The following KIT variants were observed in gnomAD, a reference collection of about 807,000 sequenced individuals.
The protein encoded by KIT is mast/stem cell growth factor receptor Kit.
A neutral mutation model predicts 105.7 loss-of-function variants in KIT; 16 were observed. The ratio of observed to expected loss-of-function variants is 0.15; its 90% confidence interval spans 0.10 to 0.23. The LOEUF (loss-of-function observed/expected upper bound fraction) is 0.23. Among genes scored for constraint, KIT ranks in the 10% least tolerant of loss-of-function variants. KIT has a pLI of 1.00. For missense variants in KIT, 858 were observed against 1,213.8 expected (o/e 0.71, Z 4.36); for synonymous variants, 438 against 441.1 (o/e 0.99, Z 0.09).
intron 17 of KIT, among the ~76,000 whole-genome samples, chr4:54,736,026 A>G (rs995332330): frequency 6.6e-6 from 1 of 152,212 alleles, no homozygotes; most frequent in African/African-American, 2.4e-5. Context: ...GGTTTTCCTG[A>G]AGCTGCTATA....
intron 4 of KIT, among the ~76,000 whole-genome samples, chr4:54,703,357 A>G (rs1171954968): frequency 3.3e-5 from 5 of 152,202 alleles, no homozygotes; most frequent in Non-Finnish European, 5.9e-5. Context: ...CATAGAAGAG[A>G]AAAAGACATG....
intron 1 of KIT, among the ~76,000 whole-genome samples, chr4:54,694,025 T>G (rs1235102659): frequency 6.6e-6 from 1 of 152,218 alleles, no homozygotes; most frequent in Non-Finnish European, 1.5e-5. Context: ...TGCATGTCAC[T>G]TCTCTGCTGA....
chr4:54,735,328 G>T (rs1319160350), intron 17 of KIT, among the ~76,000 whole-genome samples: 3 of 122,884 alleles, frequency 2.4e-5, no homozygotes, highest in South Asian at 2.6e-4. Flanking sequence ...GAAGTTTTTT[G>T]TTTTGTTTTT....
intron 1 of KIT, among the ~76,000 whole-genome samples, chr4:54,681,232 C>A (rs893446994): frequency 1.3e-5 from 2 of 151,670 alleles, no homozygotes; most frequent in Non-Finnish European, 2.9e-5. Context: ...TATGTGCTTT[C>A]CAGAAATCAA....
intron 6 of KIT, among the ~76,000 whole-genome samples, chr4:54,708,514 G>A (rs1398938241): frequency 6.6e-6 from 1 of 152,128 alleles, no homozygotes; most frequent in Non-Finnish European, 1.5e-5. Flanking sequence ...CTGGCTGCAC[G>A]GTCAACGTCT....
chr4:54,724,434 G>A (rs997795289), intron 8 of KIT, among the ~76,000 whole-genome samples: 4 of 152,118 alleles, frequency 2.6e-5, no homozygotes, highest in Admixed American at 6.6e-5. Flanking sequence ...GGGTTACATC[G>A]GATTGCTGTT....
At chr4:54,717,541 C>G (rs1227388268) in intron 7 of KIT, among the ~76,000 whole-genome samples, 1 of 152,140 alleles carries the variant, frequency 6.6e-6, no homozygotes, top group East Asian at 1.9e-4. Context: ...CTGGAATTGA[C>G]TCTAAACTTG....
intron 6 of KIT, among the ~76,000 whole-genome samples, chr4:54,708,823 C>T (rs373866025): frequency 4.6e-5 from 7 of 152,086 alleles, no homozygotes; most frequent in East Asian, 1.9e-4. Context: ...CCAGTAACCC[C>T]GACAGGGTTG....
Position 54,695,535 on chromosome 4 carries a change from C to A in KIT, c.91C>A (p.Pro31Thr), listed in dbSNP as rs1431394530. Reference protein sequence around the residue: ...QTGSSQPSVSPGEPSPPSIHP... With the variant: ...QTGSSQPSVSTGEPSPPSIHP... ...AGGCTCTTCTCAACCATCTGTGAGT[C>A]CAGGGGAACCGTCTCCACCATCCAT... is the stretch of plus-strand genomic sequence containing the variant. Residue 31 changes from proline to threonine, a missense_variant, in exon 2 of 21, where the codon CCA becomes ACA. Physicochemically the swap from Pro to Thr is conservative, Grantham distance 38. Transcript: ENST00000288135. 4 of 1,614,132 alleles carry A rather than the reference C, an allele frequency of 2.5e-6. No homozygotes were observed. The highest frequency in any genetic ancestry group is 3.4e-6 in the Non-Finnish European group (4 of 1,180,026).
At chr4:54,667,460 C>G (rs1319550393) in intron 1 of KIT, among the ~76,000 whole-genome samples, 2 of 152,166 alleles carry the variant, frequency 1.3e-5, no homozygotes, top group Non-Finnish European at 2.9e-5. Context: ...TTAACAATTC[C>G]AGTCCTATTC....
Position 54,698,387 on chromosome 4 carries a change from C to T in KIT, c.441C>T (p.Ser147=), listed in dbSNP as rs746476450. 1.2e-6 allele frequency: 2 copies of T among 1,614,126 alleles called. No homozygotes were observed. Among genetic ancestry groups the T allele is most frequent in the Non-Finnish European group, 1.7e-6 (2 of 1,180,026 alleles). ...CAGACCCAGAAGTGACCAATTATTCCCTCAAGGGGTGCCAGGGGAAGCCTC... is the reference window on the plus strand; with the variant it reads ...CAGACCCAGAAGTGACCAATTATTCTCTCAAGGGGTGCCAGGGGAAGCCTC... ...PLTDPEVTNY[S]LKGCQGKPLP... is the part of the protein sequence containing the mutation. Residue 147 remains serine, a synonymous_variant, in exon 3 of 21, where the codon TCC becomes TCT. Coordinates refer to ENST00000288135, the MANE Select transcript of KIT (RefSeq NM_000222.3).
At chr4:54,668,675 A>C (rs1258340423) in intron 1 of KIT, among the ~76,000 whole-genome samples, 7 of 152,214 alleles carry the variant, frequency 4.6e-5, no homozygotes, top group Non-Finnish European at 1.0e-4. Flanking sequence ...CTTCTGGGGA[A>C]AATATTTACT....
chr4:54,708,363 C>T (rs1215959798), intron 6 of KIT, among the ~76,000 whole-genome samples: 1 of 151,956 alleles, frequency 6.6e-6, no homozygotes, highest in Non-Finnish European at 1.5e-5. Flanking sequence ...GATAGACTGA[C>T]CAGGGAGTAG....
At chr4:54,688,516 T>G (rs1296763028) in intron 1 of KIT, among the ~76,000 whole-genome samples, 1 of 152,162 alleles carries the variant, frequency 6.6e-6, no homozygotes, top group Non-Finnish European at 1.5e-5. Flanking sequence ...TAGAAAGGAC[T>G]TCCTTACTTT....
rs3733542 is a variant in KIT, at chr4:54,736,599, G to C, written c.2586G>C (p.Leu862=). 0.12 allele frequency: 193,203 copies of C among 1,611,542 alleles called. 14,032 individuals carry two copies. Among genetic ancestry groups the C allele is most frequent in the African/African-American group, 0.33 (25,014 of 74,858 alleles). Residue 862 remains leucine (L), a synonymous_variant, in exon 18 of 21, where the codon CTG becomes CTC. Transcript: ENST00000288135. ...VWSYGIFLWE[L]FSLGSSPYPG... ...CCTATGGGATTTTTCTTTGGGAGCT[G>C]TTCTCTTTAGGTAAAATGATCCTTG...
chr4:54,736,489 C>T lies in KIT; in HGVS notation c.2485-9C>T, dbSNP rs576739697. 3 of 1,584,844 alleles carry T rather than the reference C, an allele frequency of 1.9e-6. No individual in the cohort carries two copies. Among genetic ancestry groups the T allele is most frequent in the East Asian group, 4.5e-5 (2 of 44,756 alleles). ...TAACATTATTGACTCTGTTGTGCTT[C>T]TATTACAGGCTCGACTACCTGTGAA... is the stretch of plus-strand genomic sequence containing the variant. On this transcript the variant is annotated splice_polypyrimidine_tract_variant and intron_variant, in intron 17 of 20. Transcript: ENST00000288135.
chr4:54,704,190 A>T (rs556985644), intron 5 of KIT, among the ~76,000 whole-genome samples: 11 of 152,328 alleles, frequency 7.2e-5, no homozygotes, highest in Admixed American at 5.2e-4. Context: ...CAAAAATGCT[A>T]GTGCTCGCTG....
intron 4 of KIT, among the ~76,000 whole-genome samples, chr4:54,701,447 A>G (rs1720446521): frequency 6.6e-6 from 1 of 152,212 alleles, no homozygotes; most frequent in Non-Finnish European, 1.5e-5. Context: ...TTAGGGTAAA[A>G]TGACTTTTTA....
At chr4:54,662,930 A>G (rs1190581163) in intron 1 of KIT, among the ~76,000 whole-genome samples, 2 of 152,110 alleles carry the variant, frequency 1.3e-5, no homozygotes, top group African/African-American at 2.4e-5. Flanking sequence ...GCTTTTGATA[A>G]GAGTTAGGAA....
Sources: allele counts gnomAD v4.1 joint callset (sites outside exome capture counted in the v4.1 genomes callset), GRCh38; gene constraint gnomAD v4.1.1; transcripts MANE v1.5; gene names NCBI Gene and HGNC (gene_info 2026-07-23, HGNC 2026-07-21).